HAUS2: variants seen among roughly 807,000 people sequenced by gnomAD.
HAUS2 encodes the protein HAUS augmin-like complex subunit 2.
HAUS2 carries 20 observed loss-of-function variants against 21.6 expected under a neutral mutation model. The ratio of observed to expected loss-of-function variants is 0.93; its 90% CI spans 0.65 to 1.35. The LOEUF is 1.35. Among genes scored for constraint, HAUS2 ranks in the 40% most tolerant of loss-of-function variants. HAUS2 has a pLI of 0.00. For synonymous variants in HAUS2, 113 were observed against 95.6 expected (o/e 1.18, Z -1.06); for missense variants, 297 against 280.7 (o/e 1.06, Z -0.42).
At chr15:42,560,138 G>C (rs1046408513) in intron 3 of HAUS2, among the ~76,000 whole-genome samples, 1 of 152,208 alleles carries the variant, frequency 6.6e-6, no homozygotes. Context: ...CTGGGTGACA[G>C]AGTGAGACCC....
In HAUS2 at chr15:42,566,538, C is replaced by G. The variant is rs2057908619; in HGVS notation, c.499-69C>G. ...AAGATCATGTGTTAACCTTTGGTAT[C>G]AGTTACTGATGATATAATGAATTAA... On this transcript the variant is annotated intron_variant, in intron 5 of 5. Coordinates refer to ENST00000260372, the MANE Select transcript of HAUS2 (RefSeq NM_018097.3). 3.5e-6 allele frequency: 3 copies of G among 850,220 alleles called. No individual in the cohort carries two copies. The Admixed American group carries it at 5.8e-5, about 16-fold the overall frequency. The allele number at this position is 850,220 out of a possible 1,614,324, so 52.7% of individuals were successfully genotyped here.
In HAUS2 at chr15:42,569,924, GGTT is replaced by G. The variant is rs1390558740; in HGVS notation, c.*3112_*3114del. ...GTATGTCACAAATATTGATATGCCT[GGTT>G]GTTTATTTTTGTTTTCTATTATGCC... On this transcript the variant is annotated 3_prime_UTR_variant, in exon 6 of 6. Coordinates refer to ENST00000260372, the MANE Select transcript of HAUS2 (RefSeq NM_018097.3). The G allele has an allele frequency of 4.6e-5, 7 of 151,916 alleles. No individual in the cohort carries two copies. Among genetic ancestry groups the G allele is most frequent in the Non-Finnish European group, 8.8e-5 (6 of 67,988 alleles). 9.4% of individuals were successfully genotyped at this position (151,916 alleles called of 1,614,324 possible). A position where few individuals can be genotyped will look rare whatever the true frequency, so the allele number is the denominator to read the frequency against.
intron 1 of HAUS2, among the ~76,000 whole-genome samples, chr15:42,554,742 G>A (rs1017631548): frequency 8.6e-5 from 13 of 151,398 alleles, no homozygotes; most frequent in Non-Finnish European, 1.6e-4. Flanking sequence ...CTACCCCCTC[G>A]GCCTCCCAAA....
intron 1 of HAUS2, among the ~76,000 whole-genome samples, chr15:42,549,426 A>AT (rs139278201): frequency 0.047 from 7,104 of 151,762 alleles, 556 homozygotes; most frequent in African/African-American, 0.16. Context: ...CTTTTTTGAC[A>AT]TTTTTATTTT....
At chr15:42,561,440 T>A (rs2057853110) in intron 4 of HAUS2, 38 bp downstream of exon 4, 4 of 1,431,600 alleles carry the variant, frequency 2.8e-6, no homozygotes, top group Non-Finnish European at 3.9e-6. Flanking sequence ...TTACACCTGT[T>A]TTCTGAGTTT....
At chr15:42,558,576 C>T (rs1015974177) in intron 2 of HAUS2, among the ~76,000 whole-genome samples, 2 of 152,020 alleles carry the variant, frequency 1.3e-5, no homozygotes, top group Non-Finnish European at 1.5e-5. Flanking sequence ...ATCTGCCCGC[C>T]TCGGCCTCCC....
At chr15:42,565,434 T>G (rs1451603089) in intron 5 of HAUS2, among the ~76,000 whole-genome samples, 3 of 150,442 alleles carry the variant, frequency 2.0e-5, no homozygotes, top group Non-Finnish European at 4.4e-5. Context: ...TGTGTGTGTT[T>G]TCTTTTTTTA....
intron 1 of HAUS2, among the ~76,000 whole-genome samples, chr15:42,549,985 G>A (rs2057705204): frequency 6.6e-6 from 1 of 152,048 alleles, no homozygotes; most frequent in South Asian, 2.1e-4. Context: ...AGTGACAGGA[G>A]GGCATGGGGC....
At chr15:42,550,686 TGAGAC>T (rs2057716495) in intron 1 of HAUS2, among the ~76,000 whole-genome samples, 2 of 151,836 alleles carry the variant, frequency 1.3e-5, no homozygotes, top group African/African-American at 4.9e-5. Context: ...CTTTTTTTTT[TGAGAC>T]GGAGTCTCGC....
Position 42,559,539 on chromosome 15 carries a change from C to T in HAUS2, c.256+131C>T, listed in dbSNP as rs1177880868. The T allele has an allele frequency of 1.1e-5, 7 of 627,666 alleles. No homozygotes were observed. In the East Asian group the frequency reaches 2.0e-4, roughly 18 times the overall value. 38.9% of individuals were successfully genotyped at this position (627,666 alleles called of 1,614,324 possible). On this transcript the variant is annotated intron_variant, in intron 3 of 5. Coordinates refer to ENST00000260372, the MANE Select transcript of HAUS2 (RefSeq NM_018097.3). ...GGTGTTGTCCCAAAGCTAATGAAATCTTGTATTTCTATGCTGAAATAGAAG... is the reference window on the plus strand; with the variant it reads ...GGTGTTGTCCCAAAGCTAATGAAATTTTGTATTTCTATGCTGAAATAGAAG...
chr15:42,566,653 A>T lies in HAUS2; in HGVS notation c.545A>T (p.Glu182Val). The T allele has an allele frequency of 6.2e-7, 1 of 1,610,296 alleles. No homozygotes were observed. Residue 182 changes from glutamate to valine, a missense_variant, in exon 6 of 6, where the codon GAA becomes GTA. Glu to Val is a moderately radical substitution (Grantham distance 121). Coordinates refer to ENST00000260372, the MANE Select transcript of HAUS2 (RefSeq NM_018097.3). ...KMDILVTETE[E>V]LAENILKWRK... ...GATATATTGGTGACTGAGACAGAAG[A>T]ACTGGCAGAGAATATACTCAAGTGG...
At chr15:42,560,342 T>A (rs973664786) in intron 3 of HAUS2, among the ~76,000 whole-genome samples, 1 of 151,840 alleles carries the variant, frequency 6.6e-6, no homozygotes. Flanking sequence ...AGGTAAAAAA[T>A]ATCATGCTGT....
At chr15:42,552,985 ATTT>A (rs34872260) in intron 1 of HAUS2, among the ~76,000 whole-genome samples, 2 of 137,114 alleles carry the variant, frequency 1.5e-5, no homozygotes, top group Admixed American at 7.4e-5. Flanking sequence ...TGTTACCAGG[ATTT>A]TTTTTTTTTT....
At chr15:42,551,708 A>G (rs929088977) in intron 1 of HAUS2, among the ~76,000 whole-genome samples, 16 of 152,136 alleles carry the variant, frequency 1.1e-4, no homozygotes, top group African/African-American at 3.6e-4. Flanking sequence ...GGAAATACAA[A>G]TGCCTAAACC....
intron 2 of HAUS2, 23 bp downstream of exon 2, chr15:42,558,313 T>TA: frequency 7.0e-5 from 53 of 755,478 alleles, no homozygotes; most frequent in Middle Eastern, 3.9e-4. Context: ...GTTTTCACTT[T>TA]CTTTTTTTTT....
intron 1 of HAUS2, among the ~76,000 whole-genome samples, chr15:42,553,215 G>T (rs2057742481): frequency 2.0e-5 from 3 of 152,030 alleles, no homozygotes; most frequent in African/African-American, 7.2e-5. Flanking sequence ...TCGAACTCCT[G>T]ACCTCATGAT....
chr15:42,559,356 A>G lies in HAUS2; in HGVS notation c.204A>G (p.Glu68=), dbSNP rs1324285436. Residue 68 remains glutamate (E), a synonymous_variant, in exon 3 of 6, where the codon GAA becomes GAG. Coordinates refer to ENST00000260372, the MANE Select transcript of HAUS2 (RefSeq NM_018097.3). ...AEIYQKNLEI[E]LLKLEKDTAD... ...TCATGTAGAAAAACCTGGAAATTGA[A>G]CTCCTGAAACTAGAAAAAGATACAG... 1 of 1,602,756 alleles carries G rather than the reference A, an allele frequency of 6.2e-7. No homozygotes were observed. The highest frequency in any genetic ancestry group is 8.5e-7 in the Non-Finnish European group (1 of 1,169,926).
At chr15:42,565,712 G>A (rs909984628) in intron 5 of HAUS2, among the ~76,000 whole-genome samples, 4 of 152,202 alleles carry the variant, frequency 2.6e-5, no homozygotes, top group Middle Eastern at 6.8e-3. Context: ...GAAACCAAAG[G>A]CAGAAAAACC....
intron 3 of HAUS2, among the ~76,000 whole-genome samples, chr15:42,559,725 T>G (rs1389857991): frequency 6.6e-6 from 1 of 152,178 alleles, no homozygotes; most frequent in Non-Finnish European, 1.5e-5. Flanking sequence ...CGATTTTTTA[T>G]TTTAATGAGA....
Sources: gnomAD v4.1 joint callset for allele counts (sites outside exome capture counted in the v4.1 genomes callset) on GRCh38, gnomAD v4.1.1 for gene constraint, MANE v1.5 for transcripts, NCBI Gene and HGNC (gene_info 2026-07-23, HGNC 2026-07-21) for gene names.